Variants in SFI1 observed in about 807,000 individuals in gnomAD.
SFI1 encodes the protein SFI1 centrin binding protein.
Under a neutral mutation model 207.5 loss-of-function variants are expected in SFI1, and 195 were observed. The observed-to-expected ratio is 0.94, with a 90% CI of 0.84 to 1.06. The LOEUF is 1.06. Among genes scored for constraint, SFI1 ranks in the 50% least tolerant of loss-of-function variants. The probability of loss-of-function intolerance (pLI) is 0.00; values close to 1 mark genes in which losing one functional copy is unlikely to be tolerated. For synonymous variants in SFI1, 630 were observed against 598.9 expected, an observed-to-expected ratio of 1.05 and a Z score of -0.76; for missense variants, 1,634 against 1,588.0, an observed-to-expected ratio of 1.03 and a Z score of -0.49.
At chr22:31,509,401 G>C (rs908706650) in intron 2 of SFI1, among the ~76,000 whole-genome samples, 9 of 152,210 alleles carry the variant, frequency 5.9e-5, no homozygotes, top group Admixed American at 4.6e-4. Flanking sequence ...TGAGCCCCTG[G>C]TAAACCATTG....
At chr22:31,580,159 G>A (rs927494099) in intron 11 of SFI1, 113 bp from the exon 12 acceptor site, 1 of 726,234 alleles carries the variant, frequency 1.4e-6, no homozygotes, top group Non-Finnish European at 2.3e-6. Flanking sequence ...ACAAGAAGCT[G>A]TGACCAAGCT....
chr22:31,535,999 A>G (rs2058961066), intron 4 of SFI1, among the ~76,000 whole-genome samples: 1 of 152,194 alleles, frequency 6.6e-6, no homozygotes, highest in Non-Finnish European at 1.5e-5. Flanking sequence ...GTTCAAAAAT[A>G]TAGTGGCTTT....
rs770505073 is a variant in SFI1, at chr22:31,613,422, C to A, written c.2634C>A (p.Leu878=). The change falls in exon 26 of 33, where the codon CTC becomes CTA. Residue 878 remains leucine, a synonymous_variant. Coordinates refer to ENST00000400288, the MANE Select transcript of SFI1 (RefSeq NM_001007467.3). ...AGAAGGCGCGGCTGCAGTGGGCGCT[C>A]CAGGCCTACCAGGGGCAGCTCCTCC... ...RRKKARLQWA[L]QAYQGQLLQE... The A allele has an allele frequency of 1.2e-6, 2 of 1,609,982 alleles. No homozygotes were observed. Among genetic ancestry groups the A allele is most frequent in the Middle Eastern group, 1.7e-4 (1 of 6,034 alleles).
intron 2 of SFI1, among the ~76,000 whole-genome samples, chr22:31,518,921 C>T (rs1383622832): frequency 6.6e-6 from 1 of 151,052 alleles, no homozygotes; most frequent in Non-Finnish European, 1.5e-5. Flanking sequence ...TATCACAATT[C>T]ATTGCCGGAG....
chr22:31,507,740 A>G (rs1267409971), intron 1 of SFI1, among the ~76,000 whole-genome samples: 1 of 152,230 alleles, frequency 6.6e-6, no homozygotes, highest in Non-Finnish European at 1.5e-5. Context: ...CAAACATGAA[A>G]AAAAGCTCAA....
chr22:31,514,020 G>A (rs2056075963), intron 2 of SFI1, among the ~76,000 whole-genome samples: 1 of 151,752 alleles, frequency 6.6e-6, no homozygotes, highest in African/African-American at 2.4e-5. Context: ...TATAATTCCA[G>A]CTACTCGGGA....
At chr22:31,616,512 C>T (rs565608136) in intron 29 of SFI1, 77 of 446,662 alleles carry the variant, frequency 1.7e-4, no homozygotes, top group South Asian at 1.5e-3. Flanking sequence ...TGTGGTGACA[C>T]GGGGTGCTCC....
chr22:31,589,612 G>T (rs760761967), intron 15 of SFI1, 35 bp downstream of exon 15: 1 of 1,584,982 alleles, frequency 6.3e-7, no homozygotes, highest in African/African-American at 1.4e-5. Context: ...ACTGGGGCAG[G>T]TGTTTCAAAT....
chr22:31,536,530 G>C (rs1014121474), intron 4 of SFI1, among the ~76,000 whole-genome samples: 1 of 152,094 alleles, frequency 6.6e-6, no homozygotes, highest in Non-Finnish European at 1.5e-5. Flanking sequence ...TCCTGCCTCC[G>C]CCTCCTGAGT....
intron 1 of SFI1, among the ~76,000 whole-genome samples, chr22:31,504,023 C>T (rs2054244679): frequency 6.6e-6 from 1 of 152,118 alleles, no homozygotes; most frequent in Non-Finnish European, 1.5e-5. Flanking sequence ...TGTGAGGTTA[C>T]AGACGTTGTT....
chr22:31,538,123 C>T (rs1569247478), intron 4 of SFI1, among the ~76,000 whole-genome samples: 2 of 152,142 alleles, frequency 1.3e-5, no homozygotes. Context: ...AGGCATGCGC[C>T]ACCATGGCCG....
chr22:31,600,686 G>A (rs1236494166), intron 15 of SFI1, among the ~76,000 whole-genome samples: 2 of 152,214 alleles, frequency 1.3e-5, no homozygotes, highest in Non-Finnish European at 2.9e-5. Flanking sequence ...GGGAGGCTCT[G>A]CTTAGCCTCC....
chr22:31,503,448 T>C (rs2054129062), intron 1 of SFI1, among the ~76,000 whole-genome samples: 1 of 152,170 alleles, frequency 6.6e-6, no homozygotes, highest in African/African-American at 2.4e-5. Context: ...TGGAAATCCC[T>C]CATGTCCTAT....
At chr22:31,545,028 T>G (rs990265913) in intron 4 of SFI1, among the ~76,000 whole-genome samples, 8 of 152,066 alleles carry the variant, frequency 5.3e-5, no homozygotes, top group Non-Finnish European at 1.0e-4. Flanking sequence ...GCCTCTGGAA[T>G]AGCTGACACC....
intron 8 of SFI1, among the ~76,000 whole-genome samples, chr22:31,565,940 A>G (rs1208712847): frequency 4.6e-5 from 7 of 152,032 alleles, no homozygotes; most frequent in African/African-American, 7.2e-5. Context: ...AAGTGCTGGG[A>G]TTACAGGCCT....
chr22:31,601,891 C>T (rs1264819544), intron 15 of SFI1, among the ~76,000 whole-genome samples: 2 of 152,032 alleles, frequency 1.3e-5, no homozygotes. Context: ...CTCCTGGGCT[C>T]AGGCGATCCC....
At chr22:31,578,991 CATT>C (rs1041036469) in intron 11 of SFI1, among the ~76,000 whole-genome samples, 3 of 152,026 alleles carry the variant, frequency 2.0e-5, no homozygotes, top group Admixed American at 6.6e-5. Context: ...ATTTGTGAGG[CATT>C]ATTATTATTT....
chr22:31,539,463 A>G (rs933651027), intron 4 of SFI1, among the ~76,000 whole-genome samples: 2 of 152,008 alleles, frequency 1.3e-5, no homozygotes, highest in Non-Finnish European at 2.9e-5. Context: ...TGTTCTCTGC[A>G]TGTTCCCTTT....
At chr22:31,501,743 CTA>C (rs1473207233) in intron 1 of SFI1, among the ~76,000 whole-genome samples, 15 of 152,212 alleles carry the variant, frequency 9.9e-5, no homozygotes, top group African/African-American at 3.4e-4. Flanking sequence ...TGATTATAGT[CTA>C]TACATTTTTG....
Sources: gnomAD v4.1 joint callset for allele counts (sites outside exome capture counted in the v4.1 genomes callset) on GRCh38, gnomAD v4.1.1 for gene constraint, MANE v1.5 for transcripts, NCBI Gene and HGNC (gene_info 2026-07-23, HGNC 2026-07-21) for gene names.